The following PHACTR1 variants were observed in gnomAD, a reference collection of about 807,000 sequenced individuals.
PHACTR1 encodes the protein phosphatase and actin regulator 1.
In PHACTR1, 16 loss-of-function variants were observed where a neutral mutation model predicts 69.2. The ratio of observed to expected loss-of-function variants is 0.23; its 90% confidence interval spans 0.16 to 0.35. PHACTR1 has a LOEUF of 0.35. Ranked by LOEUF, PHACTR1 falls within the 10% of genes least tolerant of loss-of-function variation. PHACTR1 has a pLI of 1.00. For synonymous variants in PHACTR1, 312 were observed against 284.5 expected, an observed-to-expected ratio of 1.10 and a Z score of -0.97; for missense variants, 510 against 734.7, an observed-to-expected ratio of 0.69 and a Z score of 3.54.
At chr6:13,208,867 C>G (rs6923850) in intron 8 of PHACTR1, among the ~76,000 whole-genome samples, 76,251 of 151,582 alleles carry the variant, frequency 0.5, 20,915 homozygotes, top group Non-Finnish European at 0.62. Context: ...TAGATCTAGT[C>G]GGATAAGGGA....
intron 4 of PHACTR1, among the ~76,000 whole-genome samples, chr6:12,863,739 C>T (rs559585946): frequency 3.6e-4 from 55 of 152,192 alleles, no homozygotes; most frequent in Non-Finnish European, 6.2e-4. Context: ...TGATTTGACG[C>T]TTACCTTCTT....
intron 3 of PHACTR1, among the ~76,000 whole-genome samples, chr6:12,742,224 C>A (rs1357557311): frequency 6.6e-6 from 1 of 152,068 alleles, no homozygotes; most frequent in Non-Finnish European, 1.5e-5. Context: ...ATATGCTAAA[C>A]AAAGGGTGGA....
chr6:13,016,994 A>G lies in PHACTR1; in HGVS notation c.251-36371A>G, dbSNP rs191991870. Among the ~76,000 whole-genome samples the G allele has an allele frequency of 7.2e-5, 11 of 152,220 alleles. No homozygotes were observed. In the South Asian group the frequency reaches 1.9e-3, roughly 26 times the overall value. On this transcript the variant is annotated intron_variant, in intron 4 of 14. Coordinates refer to ENST00000332995, the MANE Select transcript of PHACTR1 (RefSeq NM_030948.6). ...TTGAGGTCAAGAGTTTGAGACCAGC[A>G]TGGCCCACAGGATGAAACCCTGTCT...
intron 8 of PHACTR1, among the ~76,000 whole-genome samples, chr6:13,219,840 C>T (rs1396676479): frequency 1.3e-5 from 2 of 152,152 alleles, no homozygotes; most frequent in Non-Finnish European, 2.9e-5. Flanking sequence ...ATTTCATAGT[C>T]AGCATATACA....
chr6:13,257,049 A>G (rs1775281844), intron 10 of PHACTR1, among the ~76,000 whole-genome samples: 1 of 152,202 alleles, frequency 6.6e-6, no homozygotes, highest in South Asian at 2.1e-4. Context: ...AAGAAAAGAG[A>G]TTGAATTGGC....
intron 4 of PHACTR1, among the ~76,000 whole-genome samples, chr6:12,765,785 A>G (rs902073943): frequency 6.6e-6 from 1 of 152,172 alleles, no homozygotes; most frequent in Non-Finnish European, 1.5e-5. Context: ...ATGTTATATT[A>G]TGGTTGCAAT....
intron 12 of PHACTR1, chr6:13,280,852 A>T (rs1780006168): frequency 1.3e-6 from 1 of 767,022 alleles, no homozygotes; most frequent in African/African-American, 1.8e-5. Context: ...CAGGTTCCAG[A>T]TGCCCCGAAG....
At chr6:13,216,032 G>A (rs918526903) in intron 8 of PHACTR1, among the ~76,000 whole-genome samples, 3 of 152,086 alleles carry the variant, frequency 2.0e-5, no homozygotes, top group Non-Finnish European at 2.9e-5. Context: ...TTCTTATAAT[G>A]TCCCCTTTTT....
At chr6:12,757,826 T>C (rs979487514) in intron 4 of PHACTR1, among the ~76,000 whole-genome samples, 1 of 152,040 alleles carries the variant, frequency 6.6e-6, no homozygotes, top group Non-Finnish European at 1.5e-5. Context: ...TAAAAAGCAG[T>C]TATGGCCAGG....
At chr6:12,882,045 T>C (rs1277006729) in intron 4 of PHACTR1, among the ~76,000 whole-genome samples, 2 of 152,020 alleles carry the variant, frequency 1.3e-5, no homozygotes, top group East Asian at 3.9e-4. Context: ...TTAAAGACAA[T>C]GAACGATAAG....
chr6:13,099,856 G>A (rs1699334463), intron 5 of PHACTR1, among the ~76,000 whole-genome samples: 1 of 152,138 alleles, frequency 6.6e-6, no homozygotes, highest in African/African-American at 2.4e-5. Flanking sequence ...TTAAAAATTA[G>A]CACTAGCCTC....
intron 4 of PHACTR1, among the ~76,000 whole-genome samples, chr6:12,838,707 G>A (rs1778405095): frequency 6.6e-6 from 1 of 152,136 alleles, no homozygotes; most frequent in Non-Finnish European, 1.5e-5. Context: ...TGAAATATGG[G>A]CACTACAAAA....
chr6:12,972,377 G>A (rs535918714), intron 4 of PHACTR1, among the ~76,000 whole-genome samples: 2 of 152,162 alleles, frequency 1.3e-5, no homozygotes, highest in Non-Finnish European at 2.9e-5. Flanking sequence ...CATACCCCTT[G>A]TGTTAGTTTT....
At chr6:12,717,359 ATC>A (rs943329925) in intron 1 of PHACTR1, 148 bp from the exon 2 acceptor site, 3 of 151,836 alleles carry the variant, frequency 2.0e-5, no homozygotes, top group Non-Finnish European at 4.4e-5. Context: ...GAAGACATAA[ATC>A]TGTTTTGTTT....
At chr6:12,919,788 T>G (rs1787436925) in intron 4 of PHACTR1, among the ~76,000 whole-genome samples, 1 of 152,174 alleles carries the variant, frequency 6.6e-6, no homozygotes, top group Non-Finnish European at 1.5e-5. Flanking sequence ...ACCCTGATCT[T>G]AAGGAGAGAG....
At chr6:12,905,171 T>C (rs1785591062) in intron 4 of PHACTR1, among the ~76,000 whole-genome samples, 1 of 152,148 alleles carries the variant, frequency 6.6e-6, no homozygotes, top group Admixed American at 6.5e-5. Context: ...TTTTTAAAGT[T>C]TCTCCAGGGG....
At chr6:13,201,826 C>T (rs1765281033) in intron 7 of PHACTR1, among the ~76,000 whole-genome samples, 1 of 152,172 alleles carries the variant, frequency 6.6e-6, no homozygotes, top group Non-Finnish European at 1.5e-5. Flanking sequence ...AAGACATGAG[C>T]TGCCCAGCCT....
chr6:12,988,408 T>C (rs1416847248), intron 4 of PHACTR1, among the ~76,000 whole-genome samples: 1 of 152,226 alleles, frequency 6.6e-6, no homozygotes, highest in Non-Finnish European at 1.5e-5. Flanking sequence ...CTGGATGCCA[T>C]GCTAAATATT....
intron 10 of PHACTR1, among the ~76,000 whole-genome samples, chr6:13,248,275 G>T (rs968143423): frequency 6.6e-6 from 1 of 152,202 alleles, no homozygotes; most frequent in African/African-American, 2.4e-5. Flanking sequence ...GCAGCTCCCA[G>T]GAGGAAACCG....
Sources: gnomAD v4.1 joint callset for allele counts (sites outside exome capture counted in the v4.1 genomes callset) on GRCh38, gnomAD v4.1.1 for gene constraint, MANE v1.5 for transcripts, NCBI Gene and HGNC (gene_info 2026-07-23, HGNC 2026-07-21) for gene names.